Variants in TNFSF4 observed in about 807,000 individuals in gnomAD.
TNFSF4 encodes tumor necrosis factor ligand superfamily member 4.
A neutral mutation model predicts 7.3 loss-of-function variants in TNFSF4; 4 were observed. The ratio of observed to expected loss-of-function variants is 0.55; its 90% CI spans 0.27 to 1.25. The LOEUF is 1.25. TNFSF4 is among the 50% of genes most tolerant of loss of function. TNFSF4 has a pLI of 0.12. For missense variants in TNFSF4, 181 were observed against 208.8 expected (o/e 0.87, Z 0.82); for synonymous variants, 76 against 83.7 (o/e 0.91, Z 0.50).
At chr1:173,424,536 T>C in the TNFSF4 span, among the ~76,000 whole-genome samples, 1 of 152,216 alleles carries the variant, frequency 6.6e-6, no homozygotes, top group South Asian at 2.1e-4. Context: ...AGAAACTGTC[T>C]GTTCCCTTCC....
the TNFSF4 span, among the ~76,000 whole-genome samples, chr1:173,374,110 G>A: frequency 2.3e-4 from 35 of 152,240 alleles, no homozygotes; most frequent in Non-Finnish European, 4.3e-4. Context: ...TTAAAAATCC[G>A]AAATTCTCCT....
intron 1 of TNFSF4, among the ~76,000 whole-genome samples, chr1:173,202,271 T>C (rs1331652242): frequency 6.6e-6 from 1 of 152,194 alleles, no homozygotes; most frequent in African/African-American, 2.4e-5. Flanking sequence ...TGTGTATATT[T>C]GGATCTATAT....
At chr1:173,354,859 T>C in the TNFSF4 span, among the ~76,000 whole-genome samples, 1 of 152,252 alleles carries the variant, frequency 6.6e-6, no homozygotes, top group African/African-American at 2.4e-5. Flanking sequence ...GGCTCACAAA[T>C]GATGCTCGAT....
the TNFSF4 span, among the ~76,000 whole-genome samples, chr1:173,339,129 C>T: frequency 3.9e-5 from 6 of 152,224 alleles, no homozygotes; most frequent in East Asian, 3.9e-4. Context: ...CAGTGGCTCA[C>T]GCTTGTAATC....
the TNFSF4 span, among the ~76,000 whole-genome samples, chr1:173,290,130 A>G: frequency 6.6e-6 from 1 of 152,190 alleles, no homozygotes; most frequent in Admixed American, 6.5e-5. Flanking sequence ...ATCTGCCACC[A>G]CAAAAACACA....
At chr1:173,300,946 G>A in the TNFSF4 span, among the ~76,000 whole-genome samples, 106 of 33,104 alleles carry the variant, frequency 3.2e-3, no homozygotes, top group Admixed American at 0.014. Context: ...AAGAACAAAT[G>A]TACTGTTTGA....
the TNFSF4 span, among the ~76,000 whole-genome samples, chr1:173,347,571 C>A: frequency 2.6e-5 from 4 of 152,274 alleles, no homozygotes; most frequent in East Asian, 1.9e-4. Context: ...ATAGACAAAG[C>A]CTTGCATTCA....
At chr1:173,419,011 C>T in the TNFSF4 span, among the ~76,000 whole-genome samples, 20 of 152,186 alleles carry the variant, frequency 1.3e-4, no homozygotes, top group Non-Finnish European at 2.6e-4. Flanking sequence ...GAGTGTGTGG[C>T]CCCCACGGTG....
chr1:173,354,734 A>T, the TNFSF4 span, among the ~76,000 whole-genome samples: 1 of 152,244 alleles, frequency 6.6e-6, no homozygotes, highest in South Asian at 2.1e-4. Flanking sequence ...AAAATAAAAA[A>T]TAAAAAACTT....
chr1:173,392,567 T>C, the TNFSF4 span, among the ~76,000 whole-genome samples: 2 of 152,214 alleles, frequency 1.3e-5, no homozygotes, highest in Admixed American at 6.5e-5. Flanking sequence ...TTGCTACTCA[T>C]TGAGCACACA....
At chr1:173,178,492 G>A in the TNFSF4 span, among the ~76,000 whole-genome samples, 2 of 152,058 alleles carry the variant, frequency 1.3e-5, no homozygotes, top group Non-Finnish European at 2.9e-5. Flanking sequence ...GAGAATGGCG[G>A]GAACCCGGGA....
chr1:173,442,545 GTTTTTGTTTTTT>G, the TNFSF4 span, among the ~76,000 whole-genome samples: 1 of 93,450 alleles, frequency 1.1e-5, no homozygotes, highest in East Asian at 3.6e-4. Flanking sequence ...TTTCGTTTTT[GTTTTTGTTTTTT>G]TTTTTTTTTT....
chr1:173,352,603 A>G, the TNFSF4 span, among the ~76,000 whole-genome samples: 19 of 152,310 alleles, frequency 1.2e-4, no homozygotes, highest in Middle Eastern at 0.017. Flanking sequence ...CAAGGGCAAT[A>G]AAAGATCACA....
the TNFSF4 span, chr1:173,362,320 T>A: frequency 5.4e-6 from 1 of 184,928 alleles, no homozygotes; most frequent in Non-Finnish European, 1.1e-5. Context: ...AAATTATGAT[T>A]CACATCAACA....
the TNFSF4 span, among the ~76,000 whole-genome samples, chr1:173,291,177 G>A: frequency 2.0e-5 from 3 of 152,156 alleles, no homozygotes; most frequent in Non-Finnish European, 4.4e-5. Flanking sequence ...CAAAACAGGA[G>A]CGAGCACCTT....
At chr1:173,333,943 G>A in the TNFSF4 span, among the ~76,000 whole-genome samples, 1 of 152,054 alleles carries the variant, frequency 6.6e-6, no homozygotes, top group South Asian at 2.1e-4. Flanking sequence ...GTTCTCCAGG[G>A]TTTCAGGGTT....
At chr1:173,383,287 G>T in the TNFSF4 span, among the ~76,000 whole-genome samples, 1 of 152,162 alleles carries the variant, frequency 6.6e-6, no homozygotes, top group Non-Finnish European at 1.5e-5. Context: ...AAATAAAAGT[G>T]CATGTGTTCA....
At chr1:173,336,111 C>T in the TNFSF4 span, among the ~76,000 whole-genome samples, 1 of 152,198 alleles carries the variant, frequency 6.6e-6, no homozygotes, top group Non-Finnish European at 1.5e-5. Context: ...CACCAAATCC[C>T]CACATTGGTT....
chr1:173,355,231 C>G, the TNFSF4 span, among the ~76,000 whole-genome samples: 8 of 152,312 alleles, frequency 5.3e-5, no homozygotes, highest in African/African-American at 1.7e-4. Flanking sequence ...ATTGGGCCGA[C>G]CTGGATGGAT....
Sources: allele counts gnomAD v4.1 joint callset (sites outside exome capture counted in the v4.1 genomes callset), GRCh38; gene constraint gnomAD v4.1.1; transcripts MANE v1.5; gene names NCBI Gene and HGNC (gene_info 2026-07-23, HGNC 2026-07-21).